Variants in WDR70 observed in about 807,000 individuals in gnomAD.
WDR70 encodes the protein WD repeat domain 70, also known as WD repeat-containing protein 70.
A neutral mutation model predicts 88.6 loss-of-function variants in WDR70; 53 were observed. That is an observed-to-expected ratio of 0.60 (90% CI 0.48 to 0.75). The LOEUF (loss-of-function observed/expected upper bound fraction) is 0.75, where lower values mean the gene tolerates loss of function less well. WDR70 is among the 30% of genes least tolerant of loss of function. The pLI is 0.00. For missense variants in WDR70, 610 were observed against 823.2 expected (o/e 0.74, Z 3.17); for synonymous variants, 280 against 270.0 (o/e 1.04, Z -0.36).
At chr5:37,678,714 A>G (rs1401840577) in intron 10 of WDR70, among the ~76,000 whole-genome samples, 1 of 152,026 alleles carries the variant, frequency 6.6e-6, no homozygotes, top group African/African-American at 2.4e-5. Flanking sequence ...TGTGTCTTGG[A>G]GTTGCTCTTC....
At chr5:37,383,756 T>C (rs1428469854) in intron 3 of WDR70, among the ~76,000 whole-genome samples, 1 of 152,074 alleles carries the variant, frequency 6.6e-6, no homozygotes, top group Non-Finnish European at 1.5e-5. Context: ...ATTTTGTTTT[T>C]GTGTTTTTAG....
chr5:37,714,543 C>A (rs1309567903), intron 13 of WDR70, among the ~76,000 whole-genome samples: 2 of 152,200 alleles, frequency 1.3e-5, no homozygotes, highest in Non-Finnish European at 2.9e-5. Flanking sequence ...GTGCCCCAGG[C>A]TCCTCTTAGG....
intron 10 of WDR70, among the ~76,000 whole-genome samples, chr5:37,659,991 A>T (rs1745659697): frequency 6.6e-6 from 1 of 152,174 alleles, no homozygotes; most frequent in Non-Finnish European, 1.5e-5. Flanking sequence ...GTAAATATTT[A>T]TGTCAAAATA....
At chr5:37,608,749 A>AG (rs557007426) in intron 10 of WDR70, among the ~76,000 whole-genome samples, 66 of 152,012 alleles carry the variant, frequency 4.3e-4, no homozygotes, top group Non-Finnish European at 7.4e-4. Flanking sequence ...ATAGAGATGG[A>AG]GGGCTCACTA....
chr5:37,665,961 T>A (rs375100492), intron 10 of WDR70, among the ~76,000 whole-genome samples: 1 of 152,170 alleles, frequency 6.6e-6, no homozygotes, highest in Non-Finnish European at 1.5e-5. Context: ...TTGAACTGGC[T>A]GCCAGCGTTC....
chr5:37,585,145 C>G (rs991801957), intron 9 of WDR70, among the ~76,000 whole-genome samples: 1 of 151,742 alleles, frequency 6.6e-6, no homozygotes, highest in Non-Finnish European at 1.5e-5. Context: ...TGCACACCAC[C>G]ACGCCTGGCT....
chr5:37,526,845 CAGAG>C (rs1457813768), intron 9 of WDR70, among the ~76,000 whole-genome samples: 1 of 152,116 alleles, frequency 6.6e-6, no homozygotes, highest in Non-Finnish European at 1.5e-5. Flanking sequence ...CAATAACAGA[CAGAG>C]AGCCAAATCA....
At chr5:37,735,540 A>G (rs1028777374) in intron 17 of WDR70, among the ~76,000 whole-genome samples, 12 of 152,130 alleles carry the variant, frequency 7.9e-5, no homozygotes, top group African/African-American at 1.7e-4. Flanking sequence ...GCATTTTGCT[A>G]TCATCTCTTT....
intron 8 of WDR70, among the ~76,000 whole-genome samples, chr5:37,511,122 T>C (rs955813314): frequency 1.3e-5 from 2 of 152,216 alleles, no homozygotes; most frequent in Admixed American, 6.5e-5. Context: ...TTTCAAACTT[T>C]TCTCCACAAT....
chr5:37,571,292 T>C (rs1184651885), intron 9 of WDR70, among the ~76,000 whole-genome samples: 1 of 152,180 alleles, frequency 6.6e-6, no homozygotes, highest in Non-Finnish European at 1.5e-5. Context: ...AAAGATGCAT[T>C]GCTATTGAAC....
intron 5 of WDR70, among the ~76,000 whole-genome samples, chr5:37,416,514 G>A (rs1487189420): frequency 2.7e-5 from 4 of 149,828 alleles, no homozygotes; most frequent in African/African-American, 1.0e-4. Context: ...AGAGGGAGAG[G>A]GAGATCGTGG....
intron 2 of WDR70, 89 bp from the exon 3 acceptor site, chr5:37,381,513 A>G (rs1351850160): frequency 4.0e-6 from 4 of 1,008,644 alleles, no homozygotes; most frequent in Non-Finnish European, 4.6e-6. Flanking sequence ...AACTAGACAA[A>G]GTAAGTGTTT....
chr5:37,382,604 G>A (rs1262846142), intron 3 of WDR70, among the ~76,000 whole-genome samples: 1 of 152,074 alleles, frequency 6.6e-6, no homozygotes, highest in Admixed American at 6.6e-5. Flanking sequence ...TAGAGATGGG[G>A]TTTCACCATG....
chr5:37,731,375 A>G (rs1051302386), intron 17 of WDR70, among the ~76,000 whole-genome samples: 29 of 152,190 alleles, frequency 1.9e-4, no homozygotes, highest in African/African-American at 6.8e-4. Flanking sequence ...AACAATACAG[A>G]TGGAACATCT....
intron 10 of WDR70, among the ~76,000 whole-genome samples, chr5:37,693,964 G>C (rs551371405): frequency 2.1e-4 from 32 of 152,256 alleles, no homozygotes; most frequent in African/African-American, 3.8e-4. Flanking sequence ...ATCTGACGAA[G>C]GGCTGATATC....
intron 8 of WDR70, chr5:37,506,169 A>G: frequency 1.9e-6 from 2 of 1,049,462 alleles, no homozygotes; most frequent in East Asian, 2.4e-5. Flanking sequence ...CTAACGAGAA[A>G]CATCAGCACC....
chr5:37,598,080 C>T (rs1363663226), intron 9 of WDR70, among the ~76,000 whole-genome samples: 4 of 152,096 alleles, frequency 2.6e-5, no homozygotes, highest in Non-Finnish European at 5.9e-5. Context: ...GAGAATTATA[C>T]AGCCTTCCCC....
At chr5:37,427,952 T>C (rs886675700) in intron 5 of WDR70, among the ~76,000 whole-genome samples, 2 of 151,936 alleles carry the variant, frequency 1.3e-5, no homozygotes, top group Non-Finnish European at 2.9e-5. Context: ...GAAATGTAAG[T>C]GCAAGAATAT....
chr5:37,660,902 A>G (rs980396028), intron 10 of WDR70, among the ~76,000 whole-genome samples: 23 of 152,314 alleles, frequency 1.5e-4, no homozygotes, highest in African/African-American at 5.3e-4. Context: ...AAGGCCAACA[A>G]ATTTAAAAAT....
Sources: allele counts gnomAD v4.1 joint callset (sites outside exome capture counted in the v4.1 genomes callset), GRCh38; gene constraint gnomAD v4.1.1; transcripts MANE v1.5; gene names NCBI Gene and HGNC (gene_info 2026-07-23, HGNC 2026-07-21).